Variants in TRIM39 observed in about 807,000 individuals in gnomAD.
The protein encoded by TRIM39 is tripartite motif containing 39, also known as E3 ubiquitin-protein ligase TRIM39.
A neutral mutation model predicts 53.6 loss-of-function variants in TRIM39; 5 were observed. The ratio of observed to expected loss-of-function variants is 0.09; its 90% confidence interval spans 0.05 to 0.20. TRIM39 has a LOEUF of 0.20. TRIM39 is among the 10% of genes least tolerant of loss of function. The pLI is 1.00. For missense variants in TRIM39, 310 were observed against 621.0 expected (o/e 0.50, Z 5.32); for synonymous variants, 196 against 237.6 (o/e 0.82, Z 1.61).
chr6:30,342,106 A>T lies in TRIM39; in HGVS notation c.1314A>T (p.Thr438=). Residue 438 remains threonine (T), a synonymous_variant, in exon 8 of 8, where the codon ACA becomes ACT. Coordinates refer to ENST00000396551, the Ensembl canonical transcript of TRIM39. The surrounding 1 kb of genome is among the most constrained non-coding windows in gnomAD (Gnocchi z 4.7). ...TATTCCTAGACTATGAGGCCGGCAC[A>T]CTGTCTTTCTACAATGTCACAGACC... 1.2e-6 allele frequency: 2 copies of T among 1,613,070 alleles called. No individual in the cohort carries two copies. The highest frequency in any genetic ancestry group is 1.7e-6 in the Non-Finnish European group (2 of 1,180,030).
At chr6:30,330,746 A>C (rs749912552) in intron 3 of TRIM39, 35 bp from the exon 4 acceptor site, 1 of 1,610,896 alleles carries the variant, frequency 6.2e-7, no homozygotes, top group African/African-American at 1.3e-5. Context: ...GTCAACCCCA[A>C]ATGTCACCTC....
At chr6:30,328,576 G>A (rs1343885718) in intron 1 of TRIM39, among the ~76,000 whole-genome samples, 3 of 151,730 alleles carry the variant, frequency 2.0e-5, no homozygotes, top group Non-Finnish European at 4.4e-5. Flanking sequence ...GCTTATCTGT[G>A]GTGGCTGATA....
chr6:30,330,127 C>T (rs1364705352), intron 3 of TRIM39, among the ~76,000 whole-genome samples: 1 of 152,142 alleles, frequency 6.6e-6, no homozygotes, highest in Non-Finnish European at 1.5e-5. Context: ...TCAGAATGCT[C>T]CTTGTTTTCA....
intron 1 of TRIM39, 140 bp downstream of exon 1, chr6:30,327,135 G>C (rs1785439966): frequency 6.6e-6 from 1 of 152,654 alleles, no homozygotes; most frequent in South Asian, 2.1e-4. Context: ...CCTCGGGCCC[G>C]GGCGGACGTT....
chr6:30,329,868 A>G, intron 3 of TRIM39, 98 bp downstream of exon 3: 2 of 1,458,280 alleles, frequency 1.4e-6, no homozygotes, highest in Non-Finnish European at 1.8e-6. Context: ...CCTACTACTC[A>G]CTTTGTATTC....
chr6:30,334,144 AG>A lies in TRIM39; in HGVS notation c.550-1600del, dbSNP rs1786568191. Among the ~76,000 whole-genome samples the A allele has an allele frequency of 2.6e-5, 4 of 152,352 alleles. No homozygotes were observed. The South Asian group carries it at 8.3e-4, about 32-fold the overall frequency. ...AGCTAGTCAGCCTCTGCCAGGAACT[AG>A]CTTGAATCCACAAATGCCACGCTTG... is the stretch of plus-strand genomic sequence containing the variant. On this transcript the variant is annotated intron_variant, in intron 4 of 7. Transcript: ENST00000396551.
At chr6:30,340,471 G>T (rs1787378556) in intron 6 of TRIM39, 34 bp from the exon 7 acceptor site, 2 of 1,612,356 alleles carry the variant, frequency 1.2e-6, no homozygotes, top group Admixed American at 1.7e-5. Flanking sequence ...CCCTAACCCT[G>T]CCCTTTCTTC....
At chr6:30,340,720 T>C (rs1486381550) in intron 7 of TRIM39, 100 bp downstream of exon 7, 3 of 1,261,510 alleles carry the variant, frequency 2.4e-6, no homozygotes, top group Non-Finnish European at 3.3e-6. Context: ...GTCTCACTTT[T>C]CTTACTCCCA....
chr6:30,337,978 C>A (rs1787067312), intron 5 of TRIM39, among the ~76,000 whole-genome samples: 1 of 152,230 alleles, frequency 6.6e-6, no homozygotes, highest in African/African-American at 2.4e-5. Context: ...GAGATGGCTT[C>A]TTTTCTTAAA....
chr6:30,329,526 G>A, exon 3 of TRIM39: 1 of 1,613,100 alleles, frequency 6.2e-7, no homozygotes, highest in Non-Finnish European at 8.5e-7. Flanking sequence ...CCTGTCTGTC[G>A]AAAGACATCC....
Position 30,335,649 on chromosome 6 carries a change from G to A in TRIM39, c.550-96G>A. On this transcript the variant is annotated intron_variant, in intron 4 of 7. Transcript: ENST00000396551. The surrounding 1 kb of genome is among the most constrained non-coding windows in gnomAD (Gnocchi z 4.7). The stretch of plus-strand genomic sequence containing the variant: ...TTGTTAAACCATTTTCAATGAAACT[G>A]GAAGTCTGTGTTAATTCATACATAT... The A allele has an allele frequency of 1.4e-6, 2 of 1,434,058 alleles. No homozygotes were observed. Among genetic ancestry groups the A allele is most frequent in the Non-Finnish European group, 1.9e-6 (2 of 1,073,286 alleles). The allele number at this position is 1,434,058 out of a possible 1,614,324, so 88.8% of individuals were successfully genotyped here.
chr6:30,329,490 A>C (rs1185384869), exon 3 of TRIM39: 7 of 1,612,974 alleles, frequency 4.3e-6, no homozygotes, highest in Non-Finnish European at 5.9e-6. Context: ...CGCTGGTGGG[A>C]GGACCTAGAG....
exon 3 of TRIM39, chr6:30,329,366 G>A: frequency 6.2e-7 from 1 of 1,613,050 alleles, no homozygotes; most frequent in Non-Finnish European, 8.5e-7. Flanking sequence ...AGCCTCTACA[G>A]CTGCGGCTTT....
intron 5 of TRIM39, among the ~76,000 whole-genome samples, chr6:30,336,312 G>A (rs1270886302): frequency 6.6e-6 from 1 of 152,166 alleles, no homozygotes; most frequent in Non-Finnish European, 1.5e-5. Context: ...TTTAAGTCCT[G>A]AAATTTGATT....
At chr6:30,337,328 C>G (rs538903953) in intron 5 of TRIM39, among the ~76,000 whole-genome samples, 1 of 152,190 alleles carries the variant, frequency 6.6e-6, no homozygotes, top group East Asian at 1.9e-4. Flanking sequence ...TCGCTTGAAC[C>G]CGAGAGGCAG....
chr6:30,339,204 C>T lies in TRIM39; in HGVS notation c.781-704C>T, dbSNP rs1787208106. On this transcript the variant is annotated intron_variant, in intron 5 of 7. Transcript: ENST00000396551. This position sits in a 1 kb window ranked among gnomAD's most constrained non-coding sequence, Gnocchi z 4.2. ...TTGCTCTGTCGCCCAGGCTGGAGTG[C>T]AGTGCATGATCTCGGCTCACTGCAA... Among the ~76,000 whole-genome samples, 1 of 151,634 alleles carries T rather than the reference C, an allele frequency of 6.6e-6. No individual in the cohort carries two copies. Among genetic ancestry groups the T allele is most frequent in the Admixed American group, 6.6e-5 (1 of 15,220 alleles).
At chr6:30,340,310 T>A in intron 6 of TRIM39, 195 bp from the exon 7 acceptor site, 1 of 1,613,088 alleles carries the variant, frequency 6.2e-7, no homozygotes. Context: ...CTCTCAACGA[T>A]CTGTCCACGG....
At chr6:30,340,004 G>A in intron 6 of TRIM39, 74 bp downstream of exon 6, 1 of 1,610,824 alleles carries the variant, frequency 6.2e-7, no homozygotes, top group Non-Finnish European at 8.5e-7. Flanking sequence ...AGGAGTTTGG[G>A]TTGGGGGTGA....
At position 30,329,620 on chromosome 6, in the gene TRIM39, C is replaced by T. The variant is rs1233161106; in HGVS notation, c.303C>T (p.Ile101=). 5.0e-6 allele frequency: 8 copies of T among 1,612,974 alleles called. No homozygotes were observed. In the Middle Eastern group the frequency reaches 4.9e-4, roughly 99 times the overall value. The change falls in exon 3 of 8, where the codon ATC becomes ATT. Residue 101 remains isoleucine (I), a synonymous_variant. Coordinates refer to ENST00000396551, the Ensembl canonical transcript of TRIM39. ...AGCTCCAGGCCGTCAAGCGGAAGAT[C>T]CGGGATGAGAGCCTCTGCCCCCAAC...
Sources: allele counts gnomAD v4.1 joint callset (sites outside exome capture counted in the v4.1 genomes callset), GRCh38; gene constraint gnomAD v4.1.1; non-coding constraint Gnocchi (gnomAD v3.1); transcripts MANE v1.5; gene names NCBI Gene and HGNC (gene_info 2026-07-23, HGNC 2026-07-21).